Variants in PTPRD observed in about 807,000 individuals in gnomAD.
PTPRD encodes the protein protein tyrosine phosphatase receptor type D.
In PTPRD, 34 loss-of-function variants were observed where a neutral mutation model predicts 214.5. The ratio of observed to expected loss-of-function variants is 0.16; its 90% confidence interval spans 0.12 to 0.21. The LOEUF is 0.21. PTPRD is among the 10% of genes least tolerant of loss of function. PTPRD has a pLI of 1.00. For missense variants in PTPRD, 2,545 were observed against 2,398.7 expected, an observed-to-expected ratio of 1.06 and a Z score of -1.27; for synonymous variants, 1,128 against 845.7, an observed-to-expected ratio of 1.33 and a Z score of -5.79.
intron 30 of PTPRD, among the ~76,000 whole-genome samples, chr9:8,477,467 A>C (rs1194005593): frequency 2.0e-5 from 3 of 152,192 alleles, no homozygotes; most frequent in Non-Finnish European, 4.4e-5. Flanking sequence ...TTATATGAGA[A>C]GGCAAGCTCT....
intron 44 of PTPRD, among the ~76,000 whole-genome samples, chr9:8,328,017 C>T (rs893040771): frequency 1.3e-5 from 2 of 152,150 alleles, no homozygotes; most frequent in African/African-American, 4.8e-5. Flanking sequence ...AGCCTATTTA[C>T]ATTTAAGGTT....
chr9:10,528,378 T>C (rs1326669915), intron 2 of PTPRD, among the ~76,000 whole-genome samples: 3 of 152,090 alleles, frequency 2.0e-5, no homozygotes, highest in Non-Finnish European at 2.9e-5. Context: ...GTAAACTGAG[T>C]TCACATATAT....
At chr9:10,201,547 GAAT>G (rs1204761848) in intron 3 of PTPRD, among the ~76,000 whole-genome samples, 1 of 151,850 alleles carries the variant, frequency 6.6e-6, no homozygotes, top group Non-Finnish European at 1.5e-5. Context: ...TTTAAAGGCT[GAAT>G]AATATTCCAT....
chr9:8,638,927 C>A (rs2154331573), intron 12 of PTPRD, among the ~76,000 whole-genome samples: 1 of 152,274 alleles, frequency 6.6e-6, no homozygotes, highest in South Asian at 2.1e-4. Flanking sequence ...ACTGCAACCT[C>A]CACTACCCAG....
At chr9:10,057,445 T>C (rs2097675095) in intron 3 of PTPRD, among the ~76,000 whole-genome samples, 1 of 152,140 alleles carries the variant, frequency 6.6e-6, no homozygotes, top group Non-Finnish European at 1.5e-5. Context: ...TCAGTTGAAG[T>C]AAACTTCCAA....
intron 9 of PTPRD, among the ~76,000 whole-genome samples, chr9:9,378,550 T>A (rs1223592552): frequency 6.6e-6 from 1 of 152,142 alleles, no homozygotes; most frequent in Non-Finnish European, 1.5e-5. Context: ...GATTGTTGCA[T>A]CATATGGTAA....
rs1374019784 is a variant in PTPRD, at chr9:10,532,506, GTGTC to G, written c.-600+79888_-600+79891del. The G allele has an allele frequency of 2.7e-5, 4 of 149,898 alleles. No homozygotes were observed. In the East Asian group the frequency reaches 7.8e-4, roughly 29 times the overall value. The allele number at this position is 149,898 out of a possible 1,614,324, so 9.3% of individuals were successfully genotyped here. On this transcript the variant is annotated intron_variant, in intron 2 of 45. Transcript: ENST00000381196. The stretch of plus-strand genomic sequence containing the variant: ...CCCTATCCAAATGGCCAGATGAACA[GTGTC>G]TGTGCACCTTTTGTAAGACTTCTGT...
intron 3 of PTPRD, among the ~76,000 whole-genome samples, chr9:10,249,138 G>A (rs949317147): frequency 6.6e-6 from 1 of 152,096 alleles, no homozygotes; most frequent in African/African-American, 2.4e-5. Context: ...GTGACTAAAA[G>A]TGATTTTGAG....
Position 10,612,519 on chromosome 9 carries a change from T to C in PTPRD, c.-707-14A>G, listed in dbSNP as rs373420053. On this transcript the variant is annotated splice_polypyrimidine_tract_variant and intron_variant, in intron 1 of 45. Coordinates refer to ENST00000381196, the MANE Select transcript of PTPRD (RefSeq NM_002839.4). Reference sequence around the variant, plus strand: ...GCCCAGAATAAACTGCAAAAAGGGATGGCACATGCACAGCAGCCCGTCAGG... The same window carrying C: ...GCCCAGAATAAACTGCAAAAAGGGACGGCACATGCACAGCAGCCCGTCAGG... The C allele has an allele frequency of 6.6e-6, 1 of 152,204 alleles. No individual in the cohort carries two copies. 9.4% of individuals were successfully genotyped at this position (152,204 alleles called of 1,614,324 possible). A position where few individuals can be genotyped will look rare whatever the true frequency, so the allele number is the denominator to read the frequency against.
intron 3 of PTPRD, among the ~76,000 whole-genome samples, chr9:10,137,701 T>TAA (rs76032048): frequency 2.5e-4 from 18 of 72,006 alleles, no homozygotes; most frequent in African/African-American, 7.5e-4. Context: ...TAGAGTATAA[T>TAA]AAAAAAAAAA....
chr9:8,336,628 C>CAAAAAAA (rs764320816), intron 43 of PTPRD, among the ~76,000 whole-genome samples: 1 of 114,596 alleles, frequency 8.7e-6, no homozygotes, highest in African/African-American at 3.4e-5. Flanking sequence ...TTCTGCAGAG[C>CAAAAAAA]AAAAAAAAAA....
At chr9:9,150,500 A>AT (rs1464141226) in intron 10 of PTPRD, among the ~76,000 whole-genome samples, 2 of 148,206 alleles carry the variant, frequency 1.3e-5, no homozygotes, top group Non-Finnish European at 3.0e-5. Context: ...GTATATATAT[A>AT]TTTTTTTGAG....
intron 7 of PTPRD, among the ~76,000 whole-genome samples, chr9:9,700,103 T>C (rs2097464070): frequency 6.6e-6 from 1 of 152,164 alleles, no homozygotes; most frequent in Non-Finnish European, 1.5e-5. Context: ...AATATTTACA[T>C]CGGCAAAGGT....
At chr9:10,062,568 C>T (rs1024270038) in intron 3 of PTPRD, among the ~76,000 whole-genome samples, 6 of 151,918 alleles carry the variant, frequency 3.9e-5, no homozygotes, top group African/African-American at 7.3e-5. Flanking sequence ...ATCACTCCAT[C>T]GTATTCCAGC....
intron 2 of PTPRD, among the ~76,000 whole-genome samples, chr9:10,511,811 C>T (rs894212100): frequency 6.7e-6 from 1 of 148,572 alleles, no homozygotes; most frequent in African/African-American, 2.5e-5. Context: ...TACTCAACTT[C>T]TCCATATACA....
Position 10,271,553 on chromosome 9 carries a change from T to TC in PTPRD, c.-545+69409_-545+69410insG, listed in dbSNP as rs562787663. Among the ~76,000 whole-genome samples, 268 of 148,650 alleles carry TC rather than the reference T, an allele frequency of 1.8e-3. 11 individuals carry two copies. The South Asian group carries it at 0.053, about 30-fold the overall frequency. On this transcript the variant is annotated intron_variant, in intron 3 of 45. Transcript: ENST00000381196. ...TTGTTTCTTTTCTTTTCTTTTCTTT[T>TC]TTTTTTTGAGACGGAATCTTGCTCT...
At chr9:9,482,284 A>C (rs2147152320) in intron 8 of PTPRD, among the ~76,000 whole-genome samples, 1 of 152,326 alleles carries the variant, frequency 6.6e-6, no homozygotes, top group Middle Eastern at 3.4e-3. Context: ...CAGTGAAATG[A>C]CTTAAAGTAT....
intron 10 of PTPRD, among the ~76,000 whole-genome samples, chr9:9,064,138 T>A (rs2099717832): frequency 6.6e-6 from 1 of 152,200 alleles, no homozygotes; most frequent in South Asian, 2.1e-4. Flanking sequence ...TTTATATAAC[T>A]GAGCTTTACA....
At chr9:8,493,341 C>A (rs868851848) in intron 26 of PTPRD, among the ~76,000 whole-genome samples, 1 of 152,164 alleles carries the variant, frequency 6.6e-6, no homozygotes, top group South Asian at 2.1e-4. Context: ...TATAATAGGA[C>A]CCCATAGGAT....
Sources: allele counts gnomAD v4.1 joint callset (sites outside exome capture counted in the v4.1 genomes callset), GRCh38; gene constraint gnomAD v4.1.1; transcripts MANE v1.5; gene names NCBI Gene and HGNC (gene_info 2026-07-23, HGNC 2026-07-21).